Variants in PISD observed in about 807,000 individuals in gnomAD.
The protein encoded by PISD is phosphatidylserine decarboxylase.
PISD carries 31 observed loss-of-function variants against 43.5 expected under a neutral mutation model. That is an observed-to-expected ratio of 0.71 (90% CI 0.54 to 0.96). PISD has a LOEUF of 0.96. PISD is among the 40% of genes least tolerant of loss of function. The pLI is 0.00. For missense variants in PISD, 523 were observed against 548.4 expected (o/e 0.95, Z 0.46); for synonymous variants, 259 against 228.7 (o/e 1.13, Z -1.20).
At chr22:31,651,056 C>T (rs975214897) in intron 1 of PISD, among the ~76,000 whole-genome samples, 4 of 152,114 alleles carry the variant, frequency 2.6e-5, no homozygotes, top group Admixed American at 6.6e-5. Flanking sequence ...CTCTGCCTCC[C>T]GGGCTCAAGT....
chr22:31,634,824 G>C (rs1601379370), intron 3 of PISD, among the ~76,000 whole-genome samples: 1 of 95,606 alleles, frequency 1.0e-5, no homozygotes. Flanking sequence ...GACAGAGCAA[G>C]ACTCCATCTC....
At chr22:31,624,404 G>C (rs1233538569) in intron 3 of PISD, among the ~76,000 whole-genome samples, 1 of 152,172 alleles carries the variant, frequency 6.6e-6, no homozygotes, top group Non-Finnish European at 1.5e-5. Context: ...TGCAGGATCT[G>C]GGATATCCTT....
At position 31,619,394 on chromosome 22, in the gene PISD, G is replaced by A; in HGVS notation, c.*218C>T. ...CTGCACTTTTTATTTGTAGGCAGAAGGAACGGGATAGGTTGAGGGGCATGA... is the reference window on the plus strand; with the variant it reads ...CTGCACTTTTTATTTGTAGGCAGAAAGAACGGGATAGGTTGAGGGGCATGA... On this transcript the variant is annotated 3_prime_UTR_variant, in exon 8 of 8. Transcript: ENST00000439502. The A allele has an allele frequency of 1.6e-6, 1 of 641,452 alleles. No homozygotes were observed. Among genetic ancestry groups the A allele is most frequent in the African/African-American group, 1.8e-5 (1 of 55,794 alleles). 39.7% of individuals were successfully genotyped at this position (641,452 alleles called of 1,614,324 possible).
intron 3 of PISD, among the ~76,000 whole-genome samples, chr22:31,625,282 A>T (rs1390642202): frequency 1.3e-5 from 2 of 152,164 alleles, no homozygotes; most frequent in African/African-American, 4.8e-5. Context: ...GTGTATTTTT[A>T]AAAGGTCCAG....
chr22:31,651,972 TA>T, intron 1 of PISD, among the ~76,000 whole-genome samples: 1 of 152,176 alleles, frequency 6.6e-6, no homozygotes, highest in Non-Finnish European at 1.5e-5. Context: ...AATCTAAAGT[TA>T]AAAAACTGTA....
chr22:31,627,846 TGCTGTGAGGG>T (rs2072992404), intron 3 of PISD, among the ~76,000 whole-genome samples: 1 of 152,158 alleles, frequency 6.6e-6, no homozygotes, highest in Non-Finnish European at 1.5e-5. Flanking sequence ...TCTCCCATGG[TGCTGTGAGGG>T]GCTGGGTCTG....
In PISD at chr22:31,618,626, A is replaced by G. The variant is rs989730867; in HGVS notation, c.*986T>C. 25 of 463,344 alleles carry G rather than the reference A, an allele frequency of 5.4e-5. No homozygotes were observed. The highest frequency in any genetic ancestry group is 8.0e-5 in the Non-Finnish European group (22 of 275,558). The allele number at this position is 463,344 out of a possible 1,614,324, so 28.7% of individuals were successfully genotyped here. On this transcript the variant is annotated 3_prime_UTR_variant, in exon 8 of 8. Transcript: ENST00000439502. ...AATTCAATGATGTCTCTCCTGCAGG[A>G]GAAATTCACAGCATCCCCAGGGTCA...
intron 3 of PISD, chr22:31,625,532 T>G (rs1171073341): frequency 5.0e-6 from 3 of 602,644 alleles, no homozygotes; most frequent in Non-Finnish European, 8.8e-6. Context: ...TGAGGCTCGC[T>G]GGCAGCCTCC....
chr22:31,628,938 G>A, intron 3 of PISD: 1 of 985,358 alleles, frequency 1.0e-6, no homozygotes, highest in Non-Finnish European at 1.2e-6. Context: ...GGCTTAGGTG[G>A]CAGTTCTAAA....
At position 31,648,100 on chromosome 22, in the gene PISD, C is replaced by T; in HGVS notation, c.321+1G>A. ...CCAAGGCAGTTCCACCTCATTCCTA[C>T]CTCCCAGTGACCAGCAAGTTTGGGT... On this transcript the variant is annotated splice_donor_variant, in intron 3 of 7. Transcript: ENST00000439502. LOFTEE classifies it high-confidence loss of function. 1 of 1,609,956 alleles carries T rather than the reference C, an allele frequency of 6.2e-7. No homozygotes were observed. The highest frequency in any genetic ancestry group is 8.5e-7 in the Non-Finnish European group (1 of 1,179,012).
upstream of PISD, chr22:31,662,332 G>A (rs2074346490): frequency 1.8e-5 from 17 of 971,054 alleles, no homozygotes; most frequent in South Asian, 2.1e-4. Flanking sequence ...AGCCGACTAA[G>A]CTCCGCCCTG....
At chr22:31,650,834 G>A (rs2074011769) in intron 1 of PISD, 56 bp from the exon 2 acceptor site, 2 of 1,129,738 alleles carry the variant, frequency 1.8e-6, no homozygotes, top group Non-Finnish European at 2.6e-6. Context: ...AAAATTACTG[G>A]ATTAATCGGC....
chr22:31,630,749 T>C lies in PISD; in HGVS notation c.322-8864A>G, dbSNP rs909294858. ...GAGCGGGCAGGGTGGGGCGCCTCCC[T>C]GAGAAGTCACCTGGGGCTCCCGGCA... On this transcript the variant is annotated intron_variant, in intron 3 of 7. Transcript: ENST00000439502. The surrounding 1 kb of genome is among the most constrained non-coding windows in gnomAD (Gnocchi z 4.4). 3 of 985,434 alleles carry C rather than the reference T, an allele frequency of 3.0e-6. No individual in the cohort carries two copies. The highest frequency in any genetic ancestry group is 1.7e-5 in the African/African-American group (1 of 57,234). 61.0% of individuals were successfully genotyped at this position (985,434 alleles called of 1,614,324 possible). A position where few individuals can be genotyped will look rare whatever the true frequency, so the allele number is the denominator to read the frequency against.
At chr22:31,636,154 G>C (rs891245981) in intron 3 of PISD, among the ~76,000 whole-genome samples, 1 of 152,236 alleles carries the variant, frequency 6.6e-6, no homozygotes, top group African/African-American at 2.4e-5. Flanking sequence ...TCCAGGAAGG[G>C]GACAGGGAGA....
intron 6 of PISD, 25 bp downstream of exon 6, chr22:31,620,971 C>G (rs759396349): frequency 5.0e-6 from 8 of 1,594,788 alleles, no homozygotes; most frequent in Middle Eastern, 3.5e-4. Flanking sequence ...AGAGGCAGCT[C>G]CCCCCACGCT....
chr22:31,642,763 C>A (rs1251883836), intron 3 of PISD, among the ~76,000 whole-genome samples: 1 of 144,742 alleles, frequency 6.9e-6, no homozygotes, highest in Admixed American at 6.9e-5. Context: ...CCACTGGACT[C>A]CAGCCTGGGA....
rs901395858 is a variant in PISD, at chr22:31,649,143, C to T, written c.146-867G>A. 2.0e-5 allele frequency among the ~76,000 whole-genome samples: 3 copies of T among 152,202 alleles called. No individual in the cohort carries two copies. The South Asian group carries it at 6.2e-4, about 32-fold the overall frequency. Reference sequence around the variant, plus strand: ...GCTGAGGTGGGAGGATTGCTTGAACCCAGGAGTTCAAGGTTACAGTGAGCT... The same window carrying T: ...GCTGAGGTGGGAGGATTGCTTGAACTCAGGAGTTCAAGGTTACAGTGAGCT... On this transcript the variant is annotated intron_variant, in intron 2 of 7. Transcript: ENST00000439502.
At chr22:31,637,567 C>A (rs2073547398) in intron 3 of PISD, among the ~76,000 whole-genome samples, 1 of 152,070 alleles carries the variant, frequency 6.6e-6, no homozygotes, top group African/African-American at 2.4e-5. Flanking sequence ...ACCTGAGAGA[C>A]CCATTCAGGC....
intron 3 of PISD, among the ~76,000 whole-genome samples, chr22:31,646,480 G>GCAGATA (rs2073890920): frequency 6.6e-6 from 1 of 152,178 alleles, no homozygotes; most frequent in Non-Finnish European, 1.5e-5. Flanking sequence ...TACATAAACA[G>GCAGATA]CAGATACTAA....
Sources: allele counts gnomAD v4.1 joint callset (sites outside exome capture counted in the v4.1 genomes callset), GRCh38; gene constraint gnomAD v4.1.1; non-coding constraint Gnocchi (gnomAD v3.1); transcripts MANE v1.5; gene names NCBI Gene and HGNC (gene_info 2026-07-23, HGNC 2026-07-21).